RCC2: variants seen among roughly 807,000 people sequenced by gnomAD.
The protein encoded by RCC2 is regulator of chromosome condensation 2.
Under a neutral mutation model 64.1 loss-of-function variants are expected in RCC2, and 19 were observed. The ratio of observed to expected loss-of-function variants is 0.30; its 90% CI spans 0.21 to 0.44. The LOEUF is 0.44. Ranked by LOEUF, RCC2 falls within the 20% of genes least tolerant of loss-of-function variation. The pLI is 1.00. For synonymous variants in RCC2, 325 were observed against 279.6 expected (o/e 1.16, Z -1.62); for missense variants, 508 against 710.4 (o/e 0.72, Z 3.24).
At chr1:17,422,931 C>A (rs1410833073) in intron 4 of RCC2, 95 bp from the exon 5 acceptor site, 79 of 1,484,592 alleles carry the variant, frequency 5.3e-5, no homozygotes, top group Non-Finnish European at 7.4e-5. Context: ...CAAATGATGC[C>A]CATCTGTCTC....
chr1:17,423,764 T>C (rs2075582944), intron 4 of RCC2, among the ~76,000 whole-genome samples: 1 of 152,220 alleles, frequency 6.6e-6, no homozygotes, highest in Non-Finnish European at 1.5e-5. Context: ...CTTACAGTGG[T>C]GAGAAGTCAG....
intron 3 of RCC2, among the ~76,000 whole-genome samples, chr1:17,427,787 G>T (rs2075633221): frequency 6.6e-6 from 1 of 151,936 alleles, no homozygotes; most frequent in Admixed American, 6.6e-5. Flanking sequence ...GTTTCTTCCG[G>T]CCTCCCAAGG....
Position 17,408,911 on chromosome 1 carries a change from A to G in RCC2, c.*179T>C. On this transcript the variant is annotated 3_prime_UTR_variant, in exon 13 of 13. Transcript: ENST00000375436. ...AAAAAAAGGACTTTGGAAAGCATAC[A>G]GAAAAAAAGGTAGTTAACGTTGGAT... 1.8e-6 allele frequency: 1 copy of G among 554,254 alleles called. No homozygotes were observed. Among genetic ancestry groups the G allele is most frequent in the African/African-American group, 1.9e-5 (1 of 53,814 alleles). 34.3% of individuals were successfully genotyped at this position (554,254 alleles called of 1,614,324 possible). A position where few individuals can be genotyped will look rare whatever the true frequency, so the allele number is the denominator to read the frequency against.
chr1:17,438,579 G>C, intron 1 of RCC2, 57 bp from the exon 2 acceptor site: 1 of 1,271,164 alleles, frequency 7.9e-7, no homozygotes, highest in Non-Finnish European at 9.9e-7. Context: ...CTGCGCGGGG[G>C]GAGGGGAGCG....
Position 17,422,206 on chromosome 1 carries a change from C to T in RCC2, c.741G>A (p.Ala247=), listed in dbSNP as rs771317475. Residue 247 remains alanine (A), a synonymous_variant, in exon 6 of 13, where the codon GCG becomes GCA. Coordinates refer to ENST00000375436, the MANE Select transcript of RCC2 (RefSeq NM_018715.4). ...GCCGGAGCTGAGGAGGGGTCACCTG[C>T]GCGGGGCTGGGAACAGCGTCTGTCT... ...GNQTDAVPSP[A]QIMYNGQPIT... 16 of 1,609,096 alleles carry T rather than the reference C, an allele frequency of 9.9e-6. No individual in the cohort carries two copies. The highest frequency in any genetic ancestry group is 3.3e-5 in the Admixed American group (2 of 59,724).
intron 7 of RCC2, among the ~76,000 whole-genome samples, 155 bp downstream of exon 7, chr1:17,420,559 T>G (rs779671629): frequency 6.6e-6 from 1 of 152,198 alleles, no homozygotes; most frequent in Non-Finnish European, 1.5e-5. Flanking sequence ...GAGGACGCGC[T>G]GTTCTGCTGA....
intron 2 of RCC2, among the ~76,000 whole-genome samples, chr1:17,434,026 C>T (rs746990541): frequency 6.6e-6 from 1 of 152,196 alleles, no homozygotes; most frequent in Non-Finnish European, 1.5e-5. Context: ...CAGCTTGCAA[C>T]ACTCACCTGT....
In RCC2 at chr1:17,409,702, T is replaced by C. The variant is rs190553316; in HGVS notation, c.1464+272A>G. Among the ~76,000 whole-genome samples, 8 of 152,348 alleles carry C rather than the reference T, an allele frequency of 5.3e-5. No individual in the cohort carries two copies. In the East Asian group the frequency reaches 1.5e-3, roughly 29 times the overall value. On this transcript the variant is annotated intron_variant, in intron 12 of 12. Coordinates refer to ENST00000375436, the MANE Select transcript of RCC2 (RefSeq NM_018715.4). ...CTGGGTGTGATGGAGACGCGAGCGATGTGCTCGCCCGAGAGTGGATCTGCT... is the reference window on the plus strand; with the variant it reads ...CTGGGTGTGATGGAGACGCGAGCGACGTGCTCGCCCGAGAGTGGATCTGCT...
Position 17,422,189 on chromosome 1 carries a change from T to G in RCC2, c.744+14A>C. 1 of 1,579,306 alleles carries G rather than the reference T, an allele frequency of 6.3e-7. No homozygotes were observed. Among genetic ancestry groups the G allele is most frequent in the Non-Finnish European group, 8.6e-7 (1 of 1,157,258 alleles). ...AAACAAAAAGCCATGGAGCCGGAGC[T>G]GAGGAGGGGTCACCTGCGCGGGGCT... On this transcript the variant is annotated intron_variant, in intron 6 of 12. Coordinates refer to ENST00000375436, the MANE Select transcript of RCC2 (RefSeq NM_018715.4).
At chr1:17,418,581 C>G (rs548218524) in intron 7 of RCC2, among the ~76,000 whole-genome samples, 172 of 151,718 alleles carry the variant, frequency 1.1e-3, no homozygotes, top group Non-Finnish European at 2.0e-3. Flanking sequence ...CGCTTGAACC[C>G]GGGAGGCGGA....
rs976409065 is a variant in RCC2, at chr1:17,425,802, GC to G, written c.380-119del. 148 of 1,049,702 alleles carry G rather than the reference GC, an allele frequency of 1.4e-4. 1 individual carries two copies. Among genetic ancestry groups the G allele is most frequent in the Non-Finnish European group, 2.0e-4 (140 of 717,878 alleles). The allele number at this position is 1,049,702 out of a possible 1,614,324, so 65.0% of individuals were successfully genotyped here. A position where few individuals can be genotyped will look rare whatever the true frequency, so the allele number is the denominator to read the frequency against. On this transcript the variant is annotated intron_variant, in intron 3 of 12. Transcript: ENST00000375436. ...TACCAGGGACAGGTGTTCCTCGGGT[GC>G]CACCCTGCCTTGGCTGTTGGGAGGC... is the stretch of plus-strand genomic sequence containing the variant.
chr1:17,438,272 C>G lies in RCC2; in HGVS notation c.243G>C (p.Ala81=), dbSNP rs1328819713. The change falls in exon 2 of 13, where the codon GCG becomes GCC. Residue 81 remains alanine (A), a synonymous_variant. Coordinates refer to ENST00000375436, the MANE Select transcript of RCC2 (RefSeq NM_018715.4). Reference sequence around the variant, plus strand: ...GCTCGGGTTCGGTGATGACCACGGCCGCGCCGCCCGCCTTGCCTGCTGTCG... The same window carrying G: ...GCTCGGGTTCGGTGATGACCACGGCGGCGCCGCCCGCCTTGCCTGCTGTCG... The part of the protein sequence containing the change: ...RPATAGKAGG[A]AVVITEPEHT... 1.5e-5 allele frequency: 20 copies of G among 1,309,544 alleles called. No homozygotes were observed. In the South Asian group the frequency reaches 2.7e-4, roughly 18 times the overall value. The allele number at this position is 1,309,544 out of a possible 1,614,324, so 81.1% of individuals were successfully genotyped here.
intron 5 of RCC2, 25 bp from the exon 6 acceptor site, chr1:17,422,316 A>C: frequency 6.4e-7 from 1 of 1,565,502 alleles, no homozygotes; most frequent in Non-Finnish European, 8.8e-7. Context: ...AAATATCACA[A>C]AAGGGAAGAT....
At chr1:17,417,405 C>T (rs1269104796) in intron 7 of RCC2, among the ~76,000 whole-genome samples, 1 of 152,224 alleles carries the variant, frequency 6.6e-6, no homozygotes, top group Non-Finnish European at 1.5e-5. Flanking sequence ...CGGTGGGCCA[C>T]GCCTGGAATC....
intron 2 of RCC2, among the ~76,000 whole-genome samples, chr1:17,431,517 A>G (rs1449042848): frequency 6.9e-6 from 1 of 145,268 alleles, no homozygotes; most frequent in South Asian, 2.2e-4. Flanking sequence ...AAAAAAAAAA[A>G]AAAAGAAAGA....
chr1:17,439,190 C>A (rs955075696), intron 1 of RCC2, among the ~76,000 whole-genome samples: 4 of 152,080 alleles, frequency 2.6e-5, no homozygotes, highest in African/African-American at 9.7e-5. Flanking sequence ...CGCACAGACA[C>A]GAAAAATAAA....
chr1:17,412,322 A>T lies in RCC2; in HGVS notation c.1314-128T>A, dbSNP rs1375963494. On this transcript the variant is annotated intron_variant, in intron 10 of 12. Coordinates refer to ENST00000375436, the MANE Select transcript of RCC2 (RefSeq NM_018715.4). Reference sequence around the variant, plus strand: ...CGTACTCATTCCAAGTAGCAAACACAATAACAGGGCCAACAGGTTTCTCCT... The same window carrying T: ...CGTACTCATTCCAAGTAGCAAACACTATAACAGGGCCAACAGGTTTCTCCT... 14 of 750,526 alleles carry T rather than the reference A, an allele frequency of 1.9e-5. No homozygotes were observed. The Admixed American group carries it at 3.8e-4, about 20-fold the overall frequency. The allele number at this position is 750,526 out of a possible 1,614,324, so 46.5% of individuals were successfully genotyped here.
intron 7 of RCC2, among the ~76,000 whole-genome samples, chr1:17,417,885 G>C (rs751749392): frequency 3.3e-4 from 50 of 151,822 alleles, no homozygotes; most frequent in Non-Finnish European, 5.4e-4. Context: ...TATCTGGGGG[G>C]AGGAGGAAAC....
intron 3 of RCC2, among the ~76,000 whole-genome samples, chr1:17,428,678 C>T (rs1356478365): frequency 6.6e-6 from 1 of 152,196 alleles, no homozygotes; most frequent in Non-Finnish European, 1.5e-5. Context: ...CCAGTTCCTG[C>T]AACAATTTGG....
Sources: gnomAD v4.1 joint callset for allele counts (sites outside exome capture counted in the v4.1 genomes callset) on GRCh38, gnomAD v4.1.1 for gene constraint, MANE v1.5 for transcripts, NCBI Gene and HGNC (gene_info 2026-07-23, HGNC 2026-07-21) for gene names.